Variants in PHKA1 observed in about 807,000 individuals in gnomAD.
PHKA1 encodes phosphorylase b kinase regulatory subunit alpha, skeletal muscle isoform.
PHKA1 carries 60 observed loss-of-function variants against 110.2 expected under a neutral mutation model. That is an observed-to-expected ratio of 0.54 (90% CI 0.44 to 0.68). The LOEUF (loss-of-function observed/expected upper bound fraction) is 0.68, where lower values mean the gene tolerates loss of function less well. Among genes scored for constraint, PHKA1 ranks in the 30% least tolerant of loss-of-function variants. The probability of loss-of-function intolerance (pLI) is 0.00; values close to 1 mark genes in which losing one functional copy is unlikely to be tolerated. For missense variants in PHKA1, 801 were observed against 942.5 expected, an observed-to-expected ratio of 0.85 and a Z score of 1.97; for synonymous variants, 316 against 333.6, an observed-to-expected ratio of 0.95 and a Z score of 0.58.
intron 28 of PHKA1, among the ~76,000 whole-genome samples, chrX:72,597,859 C>T (rs939831424): frequency 5.8e-4 from 64 of 110,975 alleles, no homozygotes; most frequent in African/African-American, 2.0e-3. Context: ...GGGATCCCTC[C>T]ATACATAATC....
intron 9 of PHKA1, 114 bp downstream of exon 9, chrX:72,657,474 C>T (rs183046479): frequency 3.5e-5 from 19 of 546,267 alleles, no homozygotes. Context: ...TTATCATTAT[C>T]CTACTTAGTG....
At chrX:72,589,240 G>A (rs782652558) in intron 29 of PHKA1, among the ~76,000 whole-genome samples, 7 of 111,468 alleles carry the variant, frequency 6.3e-5, no homozygotes, top group South Asian at 3.8e-4. Flanking sequence ...TGATCGAGTC[G>A]GCTTCATCCC....
chrX:72,610,994 T>A (rs1458388092), intron 22 of PHKA1, 34 bp downstream of exon 22: 1 of 1,133,723 alleles, frequency 8.8e-7, no homozygotes, highest in South Asian at 1.8e-5. Flanking sequence ...GCACGCTTAT[T>A]TAGATTTGGT....
chrX:72,610,391 G>C (rs1294262428), intron 22 of PHKA1, among the ~76,000 whole-genome samples: 2 of 111,095 alleles, frequency 1.8e-5, no homozygotes, highest in Non-Finnish European at 3.8e-5. Flanking sequence ...TCTGTGCCTG[G>C]GTTATTTCAC....
chrX:72,597,922 A>G (rs2052611752), intron 28 of PHKA1, among the ~76,000 whole-genome samples: 1 of 111,625 alleles, frequency 9.0e-6, no homozygotes, highest in African/African-American at 3.3e-5. Flanking sequence ...CACAAATAGG[A>G]ATAAATCTTT....
chrX:72,635,489 C>T (rs1031535536), intron 15 of PHKA1, among the ~76,000 whole-genome samples, 190 bp from the exon 16 acceptor site: 1 of 111,619 alleles, frequency 9.0e-6, no homozygotes, highest in African/African-American at 3.3e-5. Flanking sequence ...GACATTTTTA[C>T]GGTATGCTGC....
chrX:72,696,106 A>G (rs2054106832), intron 3 of PHKA1, among the ~76,000 whole-genome samples: 1 of 111,994 alleles, frequency 8.9e-6, no homozygotes. Context: ...AATACCAAAT[A>G]GTCAAAAACA....
intron 28 of PHKA1, 30 bp from the exon 29 acceptor site, chrX:72,593,304 CAA>C (rs782230402): frequency 9.3e-7 from 1 of 1,076,124 alleles, no homozygotes. Flanking sequence ...GAACATAAAT[CAA>C]AAGTTATCTC....
intron 29 of PHKA1, among the ~76,000 whole-genome samples, chrX:72,590,386 A>G (rs782028253): frequency 7.1e-5 from 8 of 112,229 alleles, no homozygotes; most frequent in African/African-American, 2.3e-4. Context: ...AGAAAGCTGA[A>G]ACTGGATCCC....
chrX:72,598,725 A>C (rs1033894214), intron 28 of PHKA1, among the ~76,000 whole-genome samples: 2 of 112,305 alleles, frequency 1.8e-5, no homozygotes, highest in Admixed American at 9.4e-5. Context: ...TGAAAAACTT[A>C]TACTAAGTAA....
At chrX:72,698,796 G>A (rs1479894550) in intron 3 of PHKA1, among the ~76,000 whole-genome samples, 1 of 112,392 alleles carries the variant, frequency 8.9e-6, no homozygotes, top group Non-Finnish European at 1.9e-5. Flanking sequence ...CCCAAAGTTA[G>A]TTTGGCCTAT....
At chrX:72,711,539 T>C (rs1358484098) in intron 2 of PHKA1, among the ~76,000 whole-genome samples, 6 of 111,206 alleles carry the variant, frequency 5.4e-5, no homozygotes, top group Admixed American at 1.9e-4. Flanking sequence ...GGTCAGGAGA[T>C]TGAGACCATC....
chrX:72,699,507 CAAAA>C (rs1171276586), intron 3 of PHKA1, among the ~76,000 whole-genome samples: 2 of 16,942 alleles, frequency 1.2e-4, no homozygotes, highest in African/African-American at 1.9e-4. Context: ...GACTCCATCT[CAAAA>C]AAAAAAAAAA....
rs782694222 is a variant in PHKA1, at chrX:72,651,548, T to A, written c.1245+996A>T. On this transcript the variant is annotated intron_variant, in intron 12 of 31. Coordinates refer to ENST00000373542, the MANE Select transcript of PHKA1 (RefSeq NM_002637.4). ...TGAAACTCTGTCTCAAAAAGTAAAA[T>A]AAAATAAAATAAATTTTAAAAAAAG... 2.4e-4 allele frequency among the ~76,000 whole-genome samples: 26 copies of A among 109,751 alleles called. No individual in the cohort carries two copies. In the East Asian group the frequency reaches 6.9e-3, roughly 29 times the overall value.
At chrX:72,658,597 T>C (rs1440225923) in intron 8 of PHKA1, among the ~76,000 whole-genome samples, 2 of 111,924 alleles carry the variant, frequency 1.8e-5, no homozygotes, top group Admixed American at 1.9e-4. Flanking sequence ...CATGTCTCCT[T>C]AGTGTCCTCC....
chrX:72,670,857 C>A (rs1168087303), intron 6 of PHKA1, among the ~76,000 whole-genome samples: 18 of 111,788 alleles, frequency 1.6e-4, no homozygotes, highest in African/African-American at 4.9e-4. Context: ...TCAATAGATG[C>A]AGAAAGGGCC....
Position 72,603,126 on chromosome X carries a change from T to C in PHKA1, c.2910A>G (p.Glu970=). Residue 970 remains glutamate (E), a synonymous_variant, in exon 26 of 32, where the codon GAA becomes GAG. Transcript: ENST00000373542. The stretch of plus-strand genomic sequence containing the variant: ...GCAGTTATTCAATCTCACCGCTTCG[T>C]TCCACTCCAAACTCCTTGCCGCTGA... ...HILSGKEFGV[E]RSVRPTDSNV... 3.4e-6 allele frequency: 4 copies of C among 1,184,216 alleles called. No individual in the cohort carries two copies. The highest frequency in any genetic ancestry group is 3.4e-6 in the Non-Finnish European group (3 of 870,702).
At chrX:72,630,528 C>T (rs782212822) in intron 16 of PHKA1, among the ~76,000 whole-genome samples, 1 of 110,853 alleles carries the variant, frequency 9.0e-6, no homozygotes, top group East Asian at 2.8e-4. Context: ...TGTCTTTTTT[C>T]CTTTTATTCT....
chrX:72,593,438 T>G, intron 28 of PHKA1, 164 bp from the exon 29 acceptor site: 3 of 419,264 alleles, frequency 7.2e-6, no homozygotes, highest in Non-Finnish European at 4.2e-6. Context: ...GCCTCCCGGG[T>G]TCATGCCATT....
Sources: gnomAD v4.1 joint callset for allele counts (sites outside exome capture counted in the v4.1 genomes callset) on GRCh38, gnomAD v4.1.1 for gene constraint, MANE v1.5 for transcripts, NCBI Gene and HGNC (gene_info 2026-07-23, HGNC 2026-07-21) for gene names.